The following GIGYF2 variants were observed in gnomAD, a reference collection of about 807,000 sequenced individuals.
GIGYF2 encodes the protein GRB10 interacting GYF protein 2, also known as GRB10-interacting GYF protein 2.
GIGYF2 carries 25 observed loss-of-function variants against 208.1 expected under a neutral mutation model. The ratio of observed to expected loss-of-function variants is 0.12; its 90% confidence interval spans 0.09 to 0.17. GIGYF2 has a LOEUF of 0.17. Among genes scored for constraint, GIGYF2 ranks in the 10% least tolerant of loss-of-function variants. The probability of loss-of-function intolerance (pLI) is 1.00; values close to 1 mark genes in which losing one functional copy is unlikely to be tolerated. For synonymous variants in GIGYF2, 534 were observed against 543.8 expected, an observed-to-expected ratio of 0.98 and a Z score of 0.25; for missense variants, 1,302 against 1,579.4, an observed-to-expected ratio of 0.82 and a Z score of 2.98.
In GIGYF2 at chr2:232,833,046, C is replaced by T. The variant is rs765411268; in HGVS notation, c.2719C>T (p.Arg907Trp). The stretch of plus-strand genomic sequence containing the variant: ...GAGGCAGCAGCAGCAAGAGGCTCTC[C>T]GGAGGTTGCAGCAGCAGCAGCAGCA... ...RQRQQQQEAL[R>W]RLQQQQQQQQ... Residue 907 changes from arginine to tryptophan, a missense_variant, in exon 22 of 29, where the codon CGG becomes TGG. This residue lies in a region of GIGYF2 where 701 missense variants were observed against 793.0 expected (regional missense o/e 0.88). Transcript: ENST00000373563. The T allele has an allele frequency of 5.8e-6, 9 of 1,557,500 alleles. No individual in the cohort carries two copies. The East Asian group carries it at 7.2e-5, about 13-fold the overall frequency.
chr2:232,704,650 G>GC (rs1696003563), intron 2 of GIGYF2, among the ~76,000 whole-genome samples: 1 of 152,002 alleles, frequency 6.6e-6, no homozygotes, highest in African/African-American at 2.4e-5. Flanking sequence ...ACCTGCCTTT[G>GC]CCTCCCAAAG....
At chr2:232,766,019 C>T (rs1244755644) in intron 8 of GIGYF2, 1 of 471,074 alleles carries the variant, frequency 2.1e-6, no homozygotes, top group Non-Finnish European at 4.4e-6. Flanking sequence ...AGCAGCCATT[C>T]CTCCCTCCCA....
chr2:232,821,809 G>A (rs895737253), intron 21 of GIGYF2, among the ~76,000 whole-genome samples: 4 of 151,526 alleles, frequency 2.6e-5, no homozygotes, highest in African/African-American at 4.8e-5. Flanking sequence ...TATAGTTTTC[G>A]TTTTACAAAT....
chr2:232,771,102 T>G, intron 8 of GIGYF2: 1 of 1,614,114 alleles, frequency 6.2e-7, no homozygotes, highest in South Asian at 1.1e-5. Flanking sequence ...CATCATGATC[T>G]AGTTCCAGAT....
chr2:232,741,601 CCTGA>C (rs1458893234), intron 3 of GIGYF2, among the ~76,000 whole-genome samples: 2 of 152,198 alleles, frequency 1.3e-5, no homozygotes, highest in African/African-American at 2.4e-5. Context: ...CATCACCACG[CCTGA>C]CTAATACTTG....
chr2:232,856,470 A>G (rs1310124061), intron 28 of GIGYF2, among the ~76,000 whole-genome samples: 3 of 151,990 alleles, frequency 2.0e-5, no homozygotes, highest in African/African-American at 7.2e-5. Flanking sequence ...CGGGCGGATC[A>G]TTTGAGGTCA....
chr2:232,717,396 A>C (rs1173996188), intron 2 of GIGYF2, among the ~76,000 whole-genome samples: 1 of 152,164 alleles, frequency 6.6e-6, no homozygotes, highest in East Asian at 1.9e-4. Flanking sequence ...ACATTTTTAC[A>C]TGTACATATA....
At chr2:232,775,660 A>T (rs1699481759) in intron 8 of GIGYF2, among the ~76,000 whole-genome samples, 1 of 152,228 alleles carries the variant, frequency 6.6e-6, no homozygotes, top group Admixed American at 6.5e-5. Flanking sequence ...AATGATAGGC[A>T]GCTTCACTGA....
chr2:232,774,295 C>T (rs1380018351), intron 8 of GIGYF2, among the ~76,000 whole-genome samples: 1 of 152,156 alleles, frequency 6.6e-6, no homozygotes, highest in Non-Finnish European at 1.5e-5. Context: ...AAGAGCCGCT[C>T]CAGAGTGTTT....
intron 3 of GIGYF2, among the ~76,000 whole-genome samples, chr2:232,739,518 A>G (rs146441857): frequency 6.6e-6 from 1 of 151,960 alleles, no homozygotes; most frequent in African/African-American, 2.4e-5. Context: ...TACAAAAAAA[A>G]TTAAAAAAAA....
chr2:232,736,105 A>AT, intron 3 of GIGYF2: 2 of 954,102 alleles, frequency 2.1e-6, no homozygotes, highest in Non-Finnish European at 2.5e-6. Context: ...TTTTATTAAT[A>AT]TATGTAATCT....
chr2:232,731,644 C>G (rs972681844), intron 2 of GIGYF2, among the ~76,000 whole-genome samples: 1 of 152,196 alleles, frequency 6.6e-6, no homozygotes, highest in Non-Finnish European at 1.5e-5. Flanking sequence ...AGTCATAAGA[C>G]TGTTGTGTAA....
intron 28 of GIGYF2, among the ~76,000 whole-genome samples, chr2:232,855,235 C>T (rs1265359360): frequency 6.6e-6 from 1 of 151,976 alleles, no homozygotes; most frequent in Non-Finnish European, 1.5e-5. Context: ...TACAGGCGTG[C>T]AGCGCCACGC....
intron 14 of GIGYF2, among the ~76,000 whole-genome samples, chr2:232,802,735 G>T (rs1259054026): frequency 6.6e-6 from 1 of 152,002 alleles, no homozygotes; most frequent in African/African-American, 2.4e-5. Context: ...TTGATACCAG[G>T]GTAATTTTGG....
intron 2 of GIGYF2, among the ~76,000 whole-genome samples, chr2:232,726,882 A>G (rs1470417557): frequency 6.6e-6 from 1 of 152,232 alleles, no homozygotes. Context: ...AAGCATAAAT[A>G]TATGAATAAA....
intron 22 of GIGYF2, among the ~76,000 whole-genome samples, chr2:232,835,576 A>G (rs192826722): frequency 2.0e-5 from 3 of 152,224 alleles, no homozygotes; most frequent in Non-Finnish European, 4.4e-5. Flanking sequence ...AATGTCTTCT[A>G]GCAACTCTGG....
chr2:232,784,264 G>A (rs538892792), intron 8 of GIGYF2, among the ~76,000 whole-genome samples: 26 of 151,704 alleles, frequency 1.7e-4, no homozygotes, highest in African/African-American at 6.3e-4. Flanking sequence ...AGAAGTTCAA[G>A]ACCAACCTAA....
intron 2 of GIGYF2, among the ~76,000 whole-genome samples, chr2:232,709,824 G>T (rs1478932433): frequency 6.6e-6 from 1 of 151,908 alleles, no homozygotes; most frequent in Non-Finnish European, 1.5e-5. Flanking sequence ...AAAAAAAATT[G>T]TAGAGGTGAA....
intron 8 of GIGYF2, among the ~76,000 whole-genome samples, chr2:232,774,426 C>T (rs1699425492): frequency 6.6e-6 from 1 of 152,096 alleles, no homozygotes; most frequent in African/African-American, 2.4e-5. Context: ...TTAGATAGTC[C>T]AGTTGTGTTT....
Sources: gnomAD v4.1 joint callset for allele counts (sites outside exome capture counted in the v4.1 genomes callset) on GRCh38, gnomAD v4.1.1 for gene constraint, gnomAD v4.1.1 regional missense constraint, MANE v1.5 for transcripts, NCBI Gene and HGNC (gene_info 2026-07-23, HGNC 2026-07-21) for gene names.